Variants in APOL5 observed in about 807,000 individuals in gnomAD.
APOL5 encodes the protein apolipoprotein L, 5.
Under a neutral mutation model 35.5 loss-of-function variants are expected in APOL5, and 29 were observed. The observed-to-expected ratio is 0.82, with a 90% CI of 0.61 to 1.11. The LOEUF is 1.11. Among genes scored for constraint, APOL5 ranks in the 50% most tolerant of loss-of-function variants. The probability of loss-of-function intolerance (pLI) is 0.00; values close to 1 mark genes in which losing one functional copy is unlikely to be tolerated. For missense variants in APOL5, 514 were observed against 530.4 expected, an observed-to-expected ratio of 0.97 and a Z score of 0.30; for synonymous variants, 188 against 200.2, an observed-to-expected ratio of 0.94 and a Z score of 0.51.
Position 35,717,875 on chromosome 22 carries a change from C to A in APOL5, c.4C>A (p.Pro2Thr). ...TAAATTTTAAAAAATCTAAAGCATG[C>A]CATGTGGCAAACAAGGAAATTTGCA... The part of the protein sequence containing the change: M[P>T]CGKQGNLQVP... Residue 2 changes from proline (P) to threonine (T), a missense_variant, in exon 1 of 5, where the codon CCA (proline) becomes ACA (threonine). Coordinates refer to ENST00000249044, the MANE Select transcript of APOL5 (RefSeq NM_030642.1). The A allele has an allele frequency of 6.4e-7, 1 of 1,574,214 alleles. No individual in the cohort carries two copies. Among genetic ancestry groups the A allele is most frequent in the Non-Finnish European group, 8.6e-7 (1 of 1,159,898 alleles).
chr22:35,713,717 G>A (rs1926658862), upstream of APOL5, among the ~76,000 whole-genome samples: 1 of 152,164 alleles, frequency 6.6e-6, no homozygotes, highest in Non-Finnish European at 1.5e-5. Context: ...CATGACTGCA[G>A]CACCAACCAA....
chr22:35,709,387 ACACACTT>A, the APOL5 span, among the ~76,000 whole-genome samples: 2 of 152,074 alleles, frequency 1.3e-5, no homozygotes, highest in African/African-American at 2.4e-5. Flanking sequence ...ACACACACAC[ACACACTT>A]CTTCTGAGAG....
At position 35,726,415 on chromosome 22, in the gene APOL5, A is replaced by G. The variant is rs760797726; in HGVS notation, c.347A>G (p.Asn116Ser). 9 of 1,614,040 alleles carry G rather than the reference A, an allele frequency of 5.6e-6. No individual in the cohort carries two copies. In the South Asian group the frequency reaches 9.9e-5, roughly 18 times the overall value. The change falls in exon 3 of 5, where the codon AAC becomes AGC. Residue 116 changes from asparagine to serine, a missense_variant. By Grantham distance (46) the Asn-to-Ser change is conservative (BLOSUM62 1). This residue lies in a region of APOL5 where 254 missense variants were observed against 254.7 expected (regional missense o/e 1.00). Coordinates refer to ENST00000249044, the MANE Select transcript of APOL5 (RefSeq NM_030642.1). The stretch of plus-strand genomic sequence containing the variant: ...TTGCACAAGTTTGAGCTAGAACAGA[A>G]CATCAAAGAACTTAACACCCTTGCG... ...FPLHKFELEQNIKELNTLADQ... is the reference protein window; with the variant it reads ...FPLHKFELEQSIKELNTLADQ...
intron 2 of APOL5, 68 bp downstream of exon 2, chr22:35,720,722 A>T: frequency 8.7e-7 from 1 of 1,147,660 alleles, no homozygotes; most frequent in Non-Finnish European, 1.3e-6. Context: ...TGTCTGTCAC[A>T]GACCCAGCAC....
chr22:35,713,635 G>A (rs949510396), upstream of APOL5, among the ~76,000 whole-genome samples: 2 of 152,212 alleles, frequency 1.3e-5, no homozygotes, highest in Non-Finnish European at 2.9e-5. Context: ...AGGAGGGGAA[G>A]CTGCCTCTCT....
chr22:35,710,260 A>G, the APOL5 span, among the ~76,000 whole-genome samples: 2 of 148,038 alleles, frequency 1.4e-5, no homozygotes, highest in South Asian at 4.3e-4. Context: ...AAGTAGCTGG[A>G]CTACAGGTAT....
At chr22:35,719,582 G>A (rs952665931) in intron 1 of APOL5, among the ~76,000 whole-genome samples, 6 of 152,226 alleles carry the variant, frequency 3.9e-5, no homozygotes, top group Non-Finnish European at 7.3e-5. Flanking sequence ...GTGACTTAAC[G>A]AAATGGGAAA....
intron 4 of APOL5, 54 bp downstream of exon 4, chr22:35,728,958 A>G (rs1396944253): frequency 1.4e-6 from 2 of 1,480,384 alleles, no homozygotes; most frequent in East Asian, 5.1e-5. Flanking sequence ...CAGTGAAGTA[A>G]CCCCTCCTTG....
intron 3 of APOL5, among the ~76,000 whole-genome samples, chr22:35,727,828 C>A (rs1927222897): frequency 6.6e-6 from 1 of 152,200 alleles, no homozygotes; most frequent in Admixed American, 6.5e-5. Context: ...AAGTAGTTTA[C>A]ATTTCTAGAC....
chr22:35,729,294 C>G (rs1214811267), intron 4 of APOL5, 60 bp from the exon 5 acceptor site: 1 of 168,102 alleles, frequency 5.9e-6, no homozygotes, highest in African/African-American at 2.4e-5. Flanking sequence ...ACTGTGGGAT[C>G]CCTAAGATGC....
At chr22:35,715,036 C>T (rs1181155226), upstream of APOL5, among the ~76,000 whole-genome samples, 3 of 152,170 alleles carry the variant, frequency 2.0e-5, no homozygotes, top group East Asian at 1.9e-4. Flanking sequence ...TATGATGATT[C>T]GTGAAACATC....
chr22:35,719,291 A>T (rs533347048), intron 1 of APOL5, among the ~76,000 whole-genome samples: 19 of 152,284 alleles, frequency 1.2e-4, no homozygotes, highest in African/African-American at 4.6e-4. Flanking sequence ...ATTTTTGAGC[A>T]ACAAAAGAAG....
chr22:35,708,465 C>T, the APOL5 span, among the ~76,000 whole-genome samples: 93 of 151,862 alleles, frequency 6.1e-4, no homozygotes, highest in Non-Finnish European at 1.1e-3. Flanking sequence ...GAATTCCAGG[C>T]CCTGTCCTGT....
rs144723239 is a variant in APOL5, at chr22:35,720,215, C to T, written c.56-353C>T. Among the ~76,000 whole-genome samples the T allele has an allele frequency of 7.4e-3, 1,120 of 152,348 alleles. 5 individuals carry two copies. The highest frequency in any genetic ancestry group is 0.012 in the Non-Finnish European group (820 of 68,034). On this transcript the variant is annotated intron_variant, in intron 1 of 4. Coordinates refer to ENST00000249044, the MANE Select transcript of APOL5 (RefSeq NM_030642.1). ...CCAGGCCCGAGGGTGGAACCCTCAC[C>T]GGGGACCATGCCTTTATGTAAGCAG...
chr22:35,726,083 C>A, intron 2 of APOL5, 128 bp from the exon 3 acceptor site: 1 of 1,033,000 alleles, frequency 9.7e-7, no homozygotes, highest in Non-Finnish European at 1.4e-6. Context: ...TTAGGTCAGA[C>A]CCCTTTCACT....
chr22:35,711,579 A>G, the APOL5 span, among the ~76,000 whole-genome samples: 1 of 98,756 alleles, frequency 1.0e-5, no homozygotes, highest in Non-Finnish European at 2.2e-5. Context: ...ACTTGTCCAC[A>G]ATATATATTT....
chr22:35,720,489 A>G lies in APOL5; in HGVS notation c.56-79A>G, dbSNP rs1176236902. The G allele has an allele frequency of 1.4e-5, 18 of 1,284,190 alleles. No homozygotes were observed. The South Asian group carries it at 2.2e-4, about 16-fold the overall frequency. The allele number at this position is 1,284,190 out of a possible 1,614,324, so 79.5% of individuals were successfully genotyped here. A position where few individuals can be genotyped will look rare whatever the true frequency, so the allele number is the denominator to read the frequency against. ...CTCCAATATTGTAATTAGACAGCCA[A>G]CTTTCCCGGAGCACTGTTATGTCTT... On this transcript the variant is annotated intron_variant, in intron 1 of 4. Coordinates refer to ENST00000249044, the MANE Select transcript of APOL5 (RefSeq NM_030642.1).
chr22:35,712,621 G>A, the APOL5 span, among the ~76,000 whole-genome samples: 1 of 152,118 alleles, frequency 6.6e-6, no homozygotes, highest in Non-Finnish European at 1.5e-5. Flanking sequence ...CACATCCTTT[G>A]TCCATTTTAA....
chr22:35,714,429 G>T (rs920145742), upstream of APOL5, among the ~76,000 whole-genome samples: 1 of 152,220 alleles, frequency 6.6e-6, no homozygotes, highest in African/African-American at 2.4e-5. Context: ...GAGAATTCCA[G>T]AAGTGCCTAG....
Sources: gnomAD v4.1 joint callset for allele counts (sites outside exome capture counted in the v4.1 genomes callset) on GRCh38, gnomAD v4.1.1 for gene constraint, gnomAD v4.1.1 regional missense constraint, MANE v1.5 for transcripts, NCBI Gene and HGNC (gene_info 2026-07-23, HGNC 2026-07-21) for gene names.